CDK14: variants seen among roughly 807,000 people sequenced by gnomAD.
CDK14 encodes cyclin dependent kinase 14.
Under a neutral mutation model 60.7 loss-of-function variants are expected in CDK14, and 34 were observed. The ratio of observed to expected loss-of-function variants is 0.56; its 90% CI spans 0.43 to 0.75. The LOEUF (loss-of-function observed/expected upper bound fraction) is 0.75, where lower values mean the gene tolerates loss of function less well. Among genes scored for constraint, CDK14 ranks in the 30% least tolerant of loss-of-function variants. The pLI is 0.00. For synonymous variants in CDK14, 197 were observed against 203.7 expected, an observed-to-expected ratio of 0.97 and a Z score of 0.28; for missense variants, 482 against 564.1, an observed-to-expected ratio of 0.85 and a Z score of 1.47.
intron 5 of CDK14, among the ~76,000 whole-genome samples, chr7:90,806,668 G>A (rs1017280267): frequency 6.6e-6 from 1 of 152,194 alleles, no homozygotes; most frequent in African/African-American, 2.4e-5. Flanking sequence ...TCAGGGCGAG[G>A]CATCGCCTCA....
At chr7:90,708,374 T>TG (rs1801947399) in intron 2 of CDK14, among the ~76,000 whole-genome samples, 1 of 152,176 alleles carries the variant, frequency 6.6e-6, no homozygotes, top group Admixed American at 6.6e-5. Context: ...GTCAGGTTCT[T>TG]GAAAGACCTG....
chr7:90,810,965 G>T (rs1187396946), intron 5 of CDK14, among the ~76,000 whole-genome samples: 5 of 152,162 alleles, frequency 3.3e-5, no homozygotes, highest in Admixed American at 6.5e-5. Context: ...TGAAATAAAA[G>T]AGGATACAAA....
intron 2 of CDK14, among the ~76,000 whole-genome samples, chr7:90,634,818 T>C (rs943434788): frequency 1.8e-4 from 27 of 151,964 alleles, no homozygotes; most frequent in Non-Finnish European, 3.2e-4. Context: ...TTTTAATGAT[T>C]GCCATTCTAA....
chr7:91,159,892 A>G (rs755470178), intron 14 of CDK14, among the ~76,000 whole-genome samples: 3 of 152,184 alleles, frequency 2.0e-5, no homozygotes, highest in African/African-American at 4.8e-5. Context: ...TGGCACGGCA[A>G]TAGAGCTGCT....
intron 6 of CDK14, among the ~76,000 whole-genome samples, chr7:90,878,512 A>G (rs1460462000): frequency 6.6e-6 from 1 of 152,168 alleles, no homozygotes; most frequent in African/African-American, 2.4e-5. Flanking sequence ...CATTTCTTTT[A>G]CACAACAGAC....
chr7:90,695,459 G>A (rs565282847), intron 2 of CDK14, among the ~76,000 whole-genome samples: 5 of 152,238 alleles, frequency 3.3e-5, no homozygotes, highest in East Asian at 3.9e-4. Flanking sequence ...TTTACTGAGC[G>A]TCTACTATTT....
chr7:90,631,237 G>A (rs1799991248), intron 2 of CDK14, among the ~76,000 whole-genome samples: 1 of 152,194 alleles, frequency 6.6e-6, no homozygotes, highest in African/African-American at 2.4e-5. Context: ...CACAGCAGAT[G>A]TTTCATGAAT....
chr7:90,641,152 G>A (rs1286967601), intron 2 of CDK14, among the ~76,000 whole-genome samples: 2 of 151,982 alleles, frequency 1.3e-5, no homozygotes, highest in African/African-American at 4.8e-5. Flanking sequence ...TGGTGAGGAT[G>A]TGAATAATTG....
chr7:90,597,861 T>C (rs985224301), intron 1 of CDK14, among the ~76,000 whole-genome samples: 1 of 149,060 alleles, frequency 6.7e-6, no homozygotes, highest in Non-Finnish European at 1.5e-5. Context: ...GTCTTTCGAC[T>C]TAAAATTTTG....
chr7:90,945,756 TC>T (rs1379496594), intron 8 of CDK14, among the ~76,000 whole-genome samples: 1 of 151,730 alleles, frequency 6.6e-6, no homozygotes, highest in Admixed American at 6.6e-5. Context: ...TGAAGGAGAG[TC>T]AAGAATGCAT....
rs527779902 is a variant in CDK14 at position 91,012,381 on chromosome 7, C to T, written c.1041+28140C>T. Among the ~76,000 whole-genome samples the T allele has an allele frequency of 7.9e-5, 12 of 152,300 alleles. 1 individual carries two copies. The South Asian group carries it at 1.7e-3, about 21-fold the overall frequency. ...ATGCACTGACATTACTTAACTGAAT[C>T]ATCAAGGGGACTTTCTGCAGATCTT... On this transcript the variant is annotated intron_variant, in intron 10 of 14. Coordinates refer to ENST00000380050, the MANE Select transcript of CDK14 (RefSeq NM_001287135.2).
intron 11 of CDK14, among the ~76,000 whole-genome samples, chr7:91,063,092 G>C (rs1317858451): frequency 6.6e-6 from 1 of 152,204 alleles, no homozygotes; most frequent in African/African-American, 2.4e-5. Context: ...TTGGAAGAGA[G>C]GAGGGAGTGA....
chr7:91,104,532 A>G (rs755126971), intron 12 of CDK14, among the ~76,000 whole-genome samples: 14 of 152,136 alleles, frequency 9.2e-5, no homozygotes, highest in South Asian at 4.1e-4. Context: ...ACATGGCCCA[A>G]TGTTCATCCT....
intron 8 of CDK14, 152 bp from the exon 9 acceptor site, chr7:90,955,545 G>T (rs1794385338): frequency 1.4e-6 from 1 of 725,450 alleles, no homozygotes; most frequent in South Asian, 1.8e-5. Context: ...ACCACAATAT[G>T]CTTTCCCCAG....
intron 2 of CDK14, among the ~76,000 whole-genome samples, chr7:90,635,583 G>A (rs1476077670): frequency 6.6e-6 from 1 of 152,148 alleles, no homozygotes; most frequent in Non-Finnish European, 1.5e-5. Flanking sequence ...CTCCAGCTTT[G>A]TTCTTTTGTC....
At chr7:90,920,136 T>G (rs73407421) in intron 8 of CDK14, among the ~76,000 whole-genome samples, 3,195 of 152,282 alleles carry the variant, frequency 0.021, 105 homozygotes, top group African/African-American at 0.073. Context: ...TGTTTGTGTG[T>G]CTGAGATGAA....
At chr7:91,030,025 C>G (rs937681067) in intron 10 of CDK14, among the ~76,000 whole-genome samples, 1 of 152,146 alleles carries the variant, frequency 6.6e-6, no homozygotes, top group Admixed American at 6.5e-5. Context: ...TTATCAGGAC[C>G]TATATTTTTC....
chr7:90,892,835 G>A (rs537867997), intron 6 of CDK14, among the ~76,000 whole-genome samples: 2 of 152,330 alleles, frequency 1.3e-5, no homozygotes, highest in African/African-American at 4.8e-5. Flanking sequence ...CTGGGGTGCA[G>A]TGGCACGATC....
At chr7:90,943,000 C>T (rs1007162946) in intron 8 of CDK14, among the ~76,000 whole-genome samples, 2 of 151,920 alleles carry the variant, frequency 1.3e-5, no homozygotes, top group African/African-American at 4.8e-5. Flanking sequence ...AAAAAACTGT[C>T]GAGTCTGGAC....
Sources: allele counts gnomAD v4.1 joint callset (sites outside exome capture counted in the v4.1 genomes callset), GRCh38; gene constraint gnomAD v4.1.1; transcripts MANE v1.5; gene names NCBI Gene and HGNC (gene_info 2026-07-23, HGNC 2026-07-21).